The following FGF14 variants were observed in gnomAD, a reference collection of about 807,000 sequenced individuals.
FGF14 encodes fibroblast growth factor homologous factor 4.
FGF14 carries 5 observed loss-of-function variants against 25.5 expected under a neutral mutation model. The observed-to-expected ratio is 0.20, with a 90% CI of 0.10 to 0.41. FGF14 has a LOEUF of 0.41. Among genes scored for constraint, FGF14 ranks in the 10% least tolerant of loss-of-function variants. The pLI is 1.00. For missense variants in FGF14, 222 were observed against 320.1 expected (o/e 0.69, Z 2.34); for synonymous variants, 138 against 118.3 (o/e 1.17, Z -1.08).
intron 1 of FGF14, among the ~76,000 whole-genome samples, chr13:102,096,432 A>T (rs114404023): frequency 0.39 from 58,313 of 150,892 alleles, 13,281 homozygotes; most frequent in Non-Finnish European, 0.51. Flanking sequence ...TCTTTAATTA[A>T]AAAAAAAACA....
chr13:102,224,585 T>C (rs1291474252), intron 1 of FGF14, among the ~76,000 whole-genome samples: 1 of 152,074 alleles, frequency 6.6e-6, no homozygotes, highest in Non-Finnish European at 1.5e-5. Flanking sequence ...AAAATAATTT[T>C]AAAAAGAACC....
intron 1 of FGF14, among the ~76,000 whole-genome samples, chr13:102,126,596 T>C (rs945131817): frequency 2.0e-5 from 3 of 152,236 alleles, no homozygotes; most frequent in African/African-American, 7.2e-5. Context: ...AGTGGAATTA[T>C]TGGTCAGTAT....
chr13:101,910,679 AGCAAATGGT>A lies in FGF14; in HGVS notation c.193+5765_193+5773del, dbSNP rs201953418. 2.6e-5 allele frequency among the ~76,000 whole-genome samples: 4 copies of A among 152,194 alleles called. No individual in the cohort carries two copies. The East Asian group carries it at 7.7e-4, about 29-fold the overall frequency. On this transcript the variant is annotated intron_variant, in intron 1 of 4. Transcript: ENST00000376143. ...CTGGTATACTGTCACCCCAGTAAACAGCAAATGGTGACATTTTCATGTGATCTGAGTTTC... is the reference window on the plus strand; with the variant it reads ...CTGGTATACTGTCACCCCAGTAAACAGACATTTTCATGTGATCTGAGTTTC...
chr13:101,996,723 C>T (rs2139703647), intron 1 of FGF14, among the ~76,000 whole-genome samples: 1 of 152,254 alleles, frequency 6.6e-6, no homozygotes, highest in Admixed American at 6.5e-5. Context: ...AAATAAAAGG[C>T]ATTCCTGATA....
At chr13:101,816,388 C>T (rs1218717055) in intron 3 of FGF14, among the ~76,000 whole-genome samples, 1 of 151,874 alleles carries the variant, frequency 6.6e-6, no homozygotes, top group African/African-American at 2.4e-5. Context: ...CCCCCGCCAA[C>T]ATGGTGAAAG....
At chr13:101,887,341 T>C (rs571959851) in intron 1 of FGF14, among the ~76,000 whole-genome samples, 1 of 151,290 alleles carries the variant, frequency 6.6e-6, no homozygotes, top group South Asian at 2.1e-4. Flanking sequence ...TATATATATA[T>C]ATATACACAC....
At chr13:101,727,849 T>C (rs573995939) in intron 3 of FGF14, among the ~76,000 whole-genome samples, 112 of 152,254 alleles carry the variant, frequency 7.4e-4, no homozygotes, top group African/African-American at 2.5e-3. Context: ...AAAATATAGA[T>C]GGAAAATAGA....
chr13:102,085,246 G>A (rs1419005378), intron 1 of FGF14, among the ~76,000 whole-genome samples: 1 of 151,876 alleles, frequency 6.6e-6, no homozygotes, highest in South Asian at 2.1e-4. Flanking sequence ...ATGTGCTGGT[G>A]GGGGAGGGGG....
chr13:102,225,053 A>G (rs892128462), intron 1 of FGF14, among the ~76,000 whole-genome samples: 4 of 151,998 alleles, frequency 2.6e-5, no homozygotes, highest in African/African-American at 9.7e-5. Context: ...AAAACAGCAC[A>G]TGCTTCCCCA....
chr13:101,734,144 C>G (rs1194839945), intron 3 of FGF14, among the ~76,000 whole-genome samples: 1 of 151,976 alleles, frequency 6.6e-6, no homozygotes, highest in Non-Finnish European at 1.5e-5. Context: ...CACCTCAGAC[C>G]TACAGAATCA....
At chr13:101,964,407 C>T (rs1374292315) in intron 1 of FGF14, among the ~76,000 whole-genome samples, 2 of 152,216 alleles carry the variant, frequency 1.3e-5, no homozygotes, top group Non-Finnish European at 2.9e-5. Flanking sequence ...AACAGGATTT[C>T]TGATCTATGC....
chr13:101,862,523 T>C (rs1594522867), intron 3 of FGF14, among the ~76,000 whole-genome samples: 1 of 152,268 alleles, frequency 6.6e-6, no homozygotes, highest in East Asian at 1.9e-4. Context: ...ATAATTTCTG[T>C]TGTCCAAAAG....
intron 1 of FGF14, among the ~76,000 whole-genome samples, chr13:102,082,107 C>A (rs2043649009): frequency 1.3e-5 from 2 of 151,924 alleles, no homozygotes. Flanking sequence ...CTAAGAAATT[C>A]ATGATGCAAT....
chr13:102,126,181 C>G (rs2045941365), intron 1 of FGF14, among the ~76,000 whole-genome samples: 2 of 149,586 alleles, frequency 1.3e-5, no homozygotes, highest in Admixed American at 1.3e-4. Context: ...TATTCATCAT[C>G]CCAAACAGAA....
chr13:102,099,876 T>C (rs1340585487), intron 1 of FGF14, among the ~76,000 whole-genome samples: 2 of 152,196 alleles, frequency 1.3e-5, no homozygotes, highest in African/African-American at 4.8e-5. Flanking sequence ...ATATTTGATA[T>C]TCAGGTACAT....
intron 1 of FGF14, among the ~76,000 whole-genome samples, chr13:102,025,000 AAC>A (rs770601224): frequency 1.3e-5 from 2 of 149,190 alleles, no homozygotes; most frequent in South Asian, 2.1e-4. Flanking sequence ...CACATATATA[AAC>A]ACACACAGAC....
chr13:102,093,019 G>A (rs1335394133), intron 1 of FGF14, among the ~76,000 whole-genome samples: 1 of 152,084 alleles, frequency 6.6e-6, no homozygotes, highest in African/African-American at 2.4e-5. Context: ...TTTTTATTCG[G>A]GAAACCTGTT....
chr13:101,753,946 T>C (rs1214834519), intron 3 of FGF14, among the ~76,000 whole-genome samples: 1 of 152,156 alleles, frequency 6.6e-6, no homozygotes, highest in African/African-American at 2.4e-5. Flanking sequence ...GATGAGGCCA[T>C]TGAACACTGC....
intron 1 of FGF14, among the ~76,000 whole-genome samples, chr13:102,221,257 A>AT (rs1265836861): frequency 6.6e-6 from 1 of 152,030 alleles, no homozygotes. Context: ...GGATTAAGTG[A>AT]TTTTTTTTCA....
Sources: gnomAD v4.1 joint callset for allele counts (sites outside exome capture counted in the v4.1 genomes callset) on GRCh38, gnomAD v4.1.1 for gene constraint, MANE v1.5 for transcripts, NCBI Gene and HGNC (gene_info 2026-07-23, HGNC 2026-07-21) for gene names.